The following USP24 variants were observed in gnomAD, a reference collection of about 807,000 sequenced individuals.
USP24 encodes the protein ubiquitin carboxyl-terminal hydrolase 24.
Under a neutral mutation model 361.6 loss-of-function variants are expected in USP24, and 97 were observed. That is an observed-to-expected ratio of 0.27 (90% confidence interval 0.23 to 0.32). The LOEUF is 0.32. Ranked by LOEUF, USP24 falls within the 10% of genes least tolerant of loss-of-function variation. The pLI is 1.00. For missense variants in USP24, 2,353 were observed against 3,165.6 expected, an observed-to-expected ratio of 0.74 and a Z score of 6.16; for synonymous variants, 1,098 against 1,124.6, an observed-to-expected ratio of 0.98 and a Z score of 0.47.
intron 1 of USP24, among the ~76,000 whole-genome samples, chr1:55,184,331 A>G (rs998771310): frequency 6.6e-6 from 1 of 152,240 alleles, no homozygotes; most frequent in African/African-American, 2.4e-5. Context: ...TGCTGGAATT[A>G]TAGGCACGAG....
intron 38 of USP24, among the ~76,000 whole-genome samples, chr1:55,120,284 A>C (rs1328158478): frequency 1.3e-5 from 2 of 152,170 alleles, no homozygotes; most frequent in Non-Finnish European, 2.9e-5. Context: ...AGGGGAGAGG[A>C]TCAGTATAAC....
intron 1 of USP24, among the ~76,000 whole-genome samples, chr1:55,192,392 A>G (rs1006129301): frequency 6.6e-6 from 1 of 152,220 alleles, no homozygotes; most frequent in Non-Finnish European, 1.5e-5. Context: ...GTGTTGCTTA[A>G]AGTTTATTTG....
chr1:55,103,285 T>C (rs1645686316), intron 42 of USP24, among the ~76,000 whole-genome samples: 1 of 152,232 alleles, frequency 6.6e-6, no homozygotes, highest in African/African-American at 2.4e-5. Context: ...AGAAGCCTTC[T>C]GAGATACCAA....
chr1:55,151,575 T>A (rs778063197), intron 16 of USP24, among the ~76,000 whole-genome samples: 9 of 151,968 alleles, frequency 5.9e-5, no homozygotes, highest in East Asian at 1.9e-4. Context: ...TACAACTAAC[T>A]GAGGAAAAAT....
intron 26 of USP24, 27 bp from the exon 27 acceptor site, chr1:55,137,931 G>A (rs1646783827): frequency 1.3e-6 from 2 of 1,545,502 alleles, no homozygotes; most frequent in South Asian, 1.2e-5. Context: ...AACACGTTGT[G>A]AGAGAATTCA....
chr1:55,178,538 G>A (rs886897488), intron 1 of USP24, among the ~76,000 whole-genome samples: 4 of 151,646 alleles, frequency 2.6e-5, no homozygotes, highest in African/African-American at 9.7e-5. Context: ...GTGTAGTGGC[G>A]GGCGCCTGTA....
intron 62 of USP24, among the ~76,000 whole-genome samples, chr1:55,076,630 C>A (rs1341445487): frequency 6.6e-6 from 1 of 152,172 alleles, no homozygotes; most frequent in Non-Finnish European, 1.5e-5. Flanking sequence ...TATTATTTCA[C>A]ACTCAGAATA....
At chr1:55,096,210 G>A (rs1645492220) in intron 50 of USP24, among the ~76,000 whole-genome samples, 1 of 152,114 alleles carries the variant, frequency 6.6e-6, no homozygotes, top group Admixed American at 6.6e-5. Context: ...TTCAATTTCA[G>A]TATTCATTAC....
rs548008765 is a variant in USP24, at chr1:55,105,832, A to G, written c.4880+314T>C. 3.9e-5 allele frequency among the ~76,000 whole-genome samples: 6 copies of G among 152,300 alleles called. No individual in the cohort carries two copies. The South Asian group carries it at 1.2e-3, about 32-fold the overall frequency. The stretch of plus-strand genomic sequence containing the variant: ...ACCTTCAAGATTTTACTCAGAGCCT[A>G]TTTACTTGTACTTTCGACATAATTT... On this transcript the variant is annotated intron_variant, in intron 41 of 67. Transcript: ENST00000294383.
chr1:55,165,974 TAA>T, intron 6 of USP24, 24 bp from the exon 7 acceptor site: 1 of 1,591,548 alleles, frequency 6.3e-7, no homozygotes, highest in South Asian at 1.1e-5. Flanking sequence ...AGGCACACAT[TAA>T]GTTATTTTTC....
At chr1:55,138,776 A>ATG in intron 25 of USP24, 58 bp from the exon 26 acceptor site, 1 of 1,363,804 alleles carries the variant, frequency 7.3e-7, no homozygotes, top group Admixed American at 1.9e-5. Flanking sequence ...CACATCAAAA[A>ATG]TACATATCTA....
chr1:55,142,979 C>A lies in USP24; in HGVS notation c.2580G>T (p.Lys860Asn). Residue 860 changes from lysine to asparagine, a missense_variant and splice_region_variant, in exon 22 of 68, where the codon AAG becomes AAT. By Grantham distance (94) the Lys-to-Asn change is moderately conservative (BLOSUM62 0). Transcript: ENST00000294383. ...ATAACTTCTTTCCTTAGATACCTAC[C>A]TTCTTTAATCTAGGATTTAGATTAA... The part of the protein sequence containing the change: ...SYINLNPRLK[K>N]DSVSLHKKFI... 1.3e-6 allele frequency: 2 copies of A among 1,496,176 alleles called. No homozygotes were observed. Among genetic ancestry groups the A allele is most frequent in the East Asian group, 2.5e-5 (1 of 40,126 alleles). 92.7% of individuals were successfully genotyped at this position (1,496,176 alleles called of 1,614,324 possible).
At chr1:55,107,861 A>AAAAC (rs1553150259) in intron 39 of USP24, among the ~76,000 whole-genome samples, 2 of 150,040 alleles carry the variant, frequency 1.3e-5, no homozygotes, top group Non-Finnish European at 3.0e-5. Flanking sequence ...AAAAAAAAAA[A>AAAAC]AAAAACACAC....
chr1:55,125,017 TC>T (rs1264976100), intron 34 of USP24, among the ~76,000 whole-genome samples: 1 of 152,188 alleles, frequency 6.6e-6, no homozygotes, highest in Non-Finnish European at 1.5e-5. Flanking sequence ...CATCTGTTCT[TC>T]AAGGCCTAGC....
chr1:55,194,329 T>C (rs899357371), intron 1 of USP24, among the ~76,000 whole-genome samples: 1 of 152,216 alleles, frequency 6.6e-6, no homozygotes, highest in Admixed American at 6.5e-5. Flanking sequence ...TCTTAATCTA[T>C]TTGCCTTTGT....
At chr1:55,074,190 C>T (rs1431391563) in intron 63 of USP24, among the ~76,000 whole-genome samples, 1 of 149,092 alleles carries the variant, frequency 6.7e-6, no homozygotes, top group African/African-American at 2.5e-5. Flanking sequence ...TGAACAGGAA[C>T]AAAACTTTTT....
chr1:55,101,531 A>G, intron 43 of USP24, 53 bp downstream of exon 43: 1 of 1,550,330 alleles, frequency 6.5e-7, no homozygotes, highest in East Asian at 2.4e-5. Flanking sequence ...AACAATTTTC[A>G]AGTAACGCAC....
chr1:55,081,203 C>A, intron 59 of USP24, 119 bp downstream of exon 59: 2 of 972,582 alleles, frequency 2.1e-6, no homozygotes, highest in South Asian at 1.8e-5. Flanking sequence ...ATTTTAAGTG[C>A]ACCTCAACTA....
chr1:55,150,469 C>T (rs1032469180), intron 16 of USP24, among the ~76,000 whole-genome samples: 2 of 152,038 alleles, frequency 1.3e-5, no homozygotes, highest in African/African-American at 4.8e-5. Context: ...CTACTTCTGG[C>T]TACACTATAA....
Sources: gnomAD v4.1 joint callset for allele counts (sites outside exome capture counted in the v4.1 genomes callset) on GRCh38, gnomAD v4.1.1 for gene constraint, MANE v1.5 for transcripts, NCBI Gene and HGNC (gene_info 2026-07-23, HGNC 2026-07-21) for gene names.